Variants in PDE4D observed in about 807,000 individuals in gnomAD.
PDE4D encodes the protein 3',5'-cyclic-AMP phosphodiesterase 4D.
PDE4D carries 24 observed loss-of-function variants against 87.4 expected under a neutral mutation model. The observed-to-expected ratio is 0.27, with a 90% confidence interval of 0.20 to 0.39. PDE4D has a LOEUF of 0.39. PDE4D is among the 10% of genes least tolerant of loss of function. PDE4D has a pLI of 1.00. For missense variants in PDE4D, 714 were observed against 1,041.0 expected (o/e 0.69, Z 4.32); for synonymous variants, 384 against 383.2 (o/e 1.00, Z -0.02).
At chr5:59,433,662 C>T (rs1796418629) in intron 1 of PDE4D, among the ~76,000 whole-genome samples, 1 of 151,982 alleles carries the variant, frequency 6.6e-6, no homozygotes, top group African/African-American at 2.4e-5. Flanking sequence ...CATGATTACC[C>T]ATCTATGTTT....
At chr5:60,026,060 T>C (rs1766588243) in intron 2 of PDE4D, among the ~76,000 whole-genome samples, 1 of 152,180 alleles carries the variant, frequency 6.6e-6, no homozygotes, top group African/African-American at 2.4e-5. Flanking sequence ...GGTAGCAAAA[T>C]TATAACATGA....
chr5:60,424,839 A>G (rs1743532368), intron 1 of PDE4D, among the ~76,000 whole-genome samples: 1 of 152,248 alleles, frequency 6.6e-6, no homozygotes, highest in Non-Finnish European at 1.5e-5. Context: ...GCGAAGTCTC[A>G]GGATACAAAA....
chr5:59,434,099 G>T (rs1796484647), intron 1 of PDE4D, among the ~76,000 whole-genome samples: 1 of 70,208 alleles, frequency 1.4e-5, no homozygotes. Flanking sequence ...TCATCTTTAG[G>T]ATGTTCCTAA....
chr5:60,220,215 T>C (rs530102042), intron 1 of PDE4D, among the ~76,000 whole-genome samples: 3 of 152,100 alleles, frequency 2.0e-5, no homozygotes, highest in African/African-American at 4.8e-5. Flanking sequence ...TTGGGAGTAA[T>C]GCACACTGCA....
At chr5:59,734,679 A>C (rs1369554691) in intron 1 of PDE4D, among the ~76,000 whole-genome samples, 1 of 149,678 alleles carries the variant, frequency 6.7e-6, no homozygotes, top group Non-Finnish European at 1.5e-5. Flanking sequence ...ATTTCATTGG[A>C]TATGTCATGG....
chr5:59,774,682 C>CT (rs1763901547), intron 1 of PDE4D, among the ~76,000 whole-genome samples: 1 of 141,340 alleles, frequency 7.1e-6, no homozygotes, highest in Admixed American at 6.9e-5. Context: ...TTTTTTTTTT[C>CT]TTTTTTCTTT....
chr5:59,051,814 TAACA>T (rs1420868669), intron 5 of PDE4D, among the ~76,000 whole-genome samples: 1 of 152,226 alleles, frequency 6.6e-6, no homozygotes, highest in Non-Finnish European at 1.5e-5. Flanking sequence ...TCCAAAACAT[TAACA>T]AATACATGTG....
At chr5:59,104,503 C>G (rs1771268373) in intron 5 of PDE4D, among the ~76,000 whole-genome samples, 1 of 152,132 alleles carries the variant, frequency 6.6e-6, no homozygotes, top group South Asian at 2.1e-4. Flanking sequence ...GCTTACTGAA[C>G]CAGAATCTAA....
At chr5:59,430,336 T>G in intron 1 of PDE4D, 1 of 1,231,328 alleles carries the variant, frequency 8.1e-7, no homozygotes, top group Non-Finnish European at 1.0e-6. Context: ...GTTGATCGCG[T>G]ATGGTGATCC....
At chr5:59,175,293 A>C (rs1783639748) in intron 5 of PDE4D, among the ~76,000 whole-genome samples, 1 of 152,194 alleles carries the variant, frequency 6.6e-6, no homozygotes, top group African/African-American at 2.4e-5. Flanking sequence ...GTGTGAAAAC[A>C]AAATCATAAA....
chr5:60,440,454 T>C (rs986747580), intron 1 of PDE4D, among the ~76,000 whole-genome samples: 2 of 152,058 alleles, frequency 1.3e-5, no homozygotes, highest in Non-Finnish European at 2.9e-5. Flanking sequence ...ACAGGAAAAG[T>C]ATAAGATAGG....
chr5:60,383,546 T>G (rs1162411345), intron 1 of PDE4D, among the ~76,000 whole-genome samples: 1 of 152,180 alleles, frequency 6.6e-6, no homozygotes, highest in Non-Finnish European at 1.5e-5. Context: ...AAGGCTGGCT[T>G]GAAAGATGTT....
At chr5:60,164,190 G>C (rs1349658834) in intron 2 of PDE4D, among the ~76,000 whole-genome samples, 1 of 151,938 alleles carries the variant, frequency 6.6e-6, no homozygotes, top group Admixed American at 6.6e-5. Flanking sequence ...TCAAGCAATA[G>C]ATTGGGATAT....
chr5:59,620,066 G>T (rs1046999073), intron 1 of PDE4D, among the ~76,000 whole-genome samples: 3 of 152,084 alleles, frequency 2.0e-5, no homozygotes, highest in Admixed American at 2.0e-4. Flanking sequence ...GAAGCAGGTG[G>T]GACTCAAGGT....
intron 5 of PDE4D, among the ~76,000 whole-genome samples, chr5:59,149,109 C>G (rs1779097089): frequency 6.6e-6 from 1 of 152,030 alleles, no homozygotes; most frequent in Non-Finnish European, 1.5e-5. Flanking sequence ...TCCCCTCCTC[C>G]CTTTTAGTAC....
chr5:60,157,152 A>G (rs1277762285), intron 2 of PDE4D, among the ~76,000 whole-genome samples: 1 of 152,168 alleles, frequency 6.6e-6, no homozygotes, highest in African/African-American at 2.4e-5. Context: ...CATTGGGTAT[A>G]TATCTTTTTG....
chr5:59,406,464 C>T (rs1182268652), intron 1 of PDE4D, among the ~76,000 whole-genome samples: 1 of 139,776 alleles, frequency 7.2e-6, no homozygotes, highest in Non-Finnish European at 1.5e-5. Context: ...AATCTTGGCT[C>T]ACTGCAACCT....
chr5:59,050,698 G>A (rs1420998450), intron 5 of PDE4D, among the ~76,000 whole-genome samples: 1 of 152,134 alleles, frequency 6.6e-6, no homozygotes, highest in Non-Finnish European at 1.5e-5. Flanking sequence ...AAAGAGCATG[G>A]ACTTTTGAGT....
intron 5 of PDE4D, among the ~76,000 whole-genome samples, chr5:59,163,695 T>C (rs1221987199): frequency 1.3e-5 from 2 of 152,212 alleles, no homozygotes; most frequent in Non-Finnish European, 2.9e-5. Flanking sequence ...ATTATATACA[T>C]TGCAGTGAAC....
Sources: allele counts gnomAD v4.1 joint callset (sites outside exome capture counted in the v4.1 genomes callset), GRCh38; gene constraint gnomAD v4.1.1; transcripts MANE v1.5; gene names NCBI Gene and HGNC (gene_info 2026-07-23, HGNC 2026-07-21).